SYNE2: variants seen among roughly 807,000 people sequenced by gnomAD.
The protein encoded by SYNE2 is spectrin repeat containing nuclear envelope protein 2.
SYNE2 carries 431 observed loss-of-function variants against 856.3 expected under a neutral mutation model. That is an observed-to-expected ratio of 0.50 (90% CI 0.47 to 0.55). SYNE2 has a LOEUF of 0.55. Ranked by LOEUF, SYNE2 falls within the 20% of genes least tolerant of loss-of-function variation. The probability of loss-of-function intolerance (pLI) is 0.00; values close to 1 mark genes in which losing one functional copy is unlikely to be tolerated. For synonymous variants in SYNE2, 2,923 were observed against 2,872.3 expected, an observed-to-expected ratio of 1.02 and a Z score of -0.56; for missense variants, 8,129 against 8,023.2, an observed-to-expected ratio of 1.01 and a Z score of -0.50.
intron 96 of SYNE2, among the ~76,000 whole-genome samples, chr14:64,186,223 T>A (rs2098489605): frequency 6.6e-6 from 1 of 152,202 alleles, no homozygotes; most frequent in Admixed American, 6.5e-5. Flanking sequence ...GAACAGAGTT[T>A]TCCTTTGATA....
chr14:64,091,656 G>T (rs2097616181), intron 60 of SYNE2, among the ~76,000 whole-genome samples: 1 of 152,138 alleles, frequency 6.6e-6, no homozygotes, highest in Non-Finnish European at 1.5e-5. Flanking sequence ...TGTGGTGGCG[G>T]TGGTGGTGGT....
intron 38 of SYNE2, chr14:64,024,001 T>G: frequency 2.3e-6 from 1 of 432,206 alleles, no homozygotes; most frequent in South Asian, 2.1e-5. Context: ...GATAGGAAAA[T>G]GTAGCTGTCC....
chr14:64,126,407 C>T lies in SYNE2; in HGVS notation c.13635C>T (p.Ser4545=), dbSNP rs922483319. The T allele has an allele frequency of 4.3e-6, 7 of 1,614,004 alleles. No homozygotes were observed. Among genetic ancestry groups the T allele is most frequent in the Admixed American group, 1.7e-5 (1 of 59,996 alleles). ...TCCTGACCCTCAGTCAGTGCCTCAG[C>T]AGTGTGGAGGAGATGCTGGAGATGC... is the stretch of plus-strand genomic sequence containing the variant. ...ELFLTLSQCL[S]SVEEMLEMPR... Residue 4545 remains serine (S), a synonymous_variant, in exon 72 of 116, where the codon AGC becomes AGT. Transcript: ENST00000555002.
At position 64,209,432 on chromosome 14, in the gene SYNE2, G is replaced by T; in HGVS notation, c.18394G>T (p.Glu6132Ter). 6.2e-7 allele frequency: 1 copy of T among 1,614,228 alleles called. No homozygotes were observed. Among genetic ancestry groups the T allele is most frequent in the Non-Finnish European group, 8.5e-7 (1 of 1,180,044 alleles). The change falls in exon 102 of 116, where the codon GAG (glutamate) becomes TAG (stop). Residue 6132 changes from glutamate to a stop codon, truncating the protein, a stop_gained. Coordinates refer to ENST00000555002, the MANE Select transcript of SYNE2 (RefSeq NM_182914.3). LOFTEE classifies it high-confidence loss of function. ...AMSMERRMKI[E>*]ETWRLWQKFL... is the part of the protein sequence containing the mutation. ...AAGTTGCTTTGCTCCCATCAGAATCGAGGAGACGTGGCGCCTGTGGCAGAA... is the reference window on the plus strand; with the variant it reads ...AAGTTGCTTTGCTCCCATCAGAATCTAGGAGACGTGGCGCCTGTGGCAGAA...
At chr14:63,973,958 C>G (rs995965043) in intron 11 of SYNE2, among the ~76,000 whole-genome samples, 3 of 151,968 alleles carry the variant, frequency 2.0e-5, no homozygotes, top group African/African-American at 4.8e-5. Flanking sequence ...TAGAACTCAA[C>G]TGGGCTCATG....
At chr14:63,793,289 T>C (rs1887799130) in intron 1 of SYNE2, among the ~76,000 whole-genome samples, 1 of 152,188 alleles carries the variant, frequency 6.6e-6, no homozygotes, top group Admixed American at 6.5e-5. Context: ...TCCCACCTTC[T>C]GAACAGACTT....
chr14:63,818,111 C>T (rs1457923330), intron 1 of SYNE2, among the ~76,000 whole-genome samples: 4 of 151,050 alleles, frequency 2.6e-5, no homozygotes, highest in South Asian at 2.1e-4. Context: ...TTTGGGAGGC[C>T]GAGGTGGGCA....
intron 2 of SYNE2, among the ~76,000 whole-genome samples, chr14:63,938,545 A>T (rs192222486): frequency 5.4e-4 from 82 of 152,330 alleles, no homozygotes; most frequent in African/African-American, 1.6e-3. Flanking sequence ...GATAGCAAGG[A>T]TAGTCTAATG....
chr14:63,900,625 A>C (rs1176293596), intron 1 of SYNE2, among the ~76,000 whole-genome samples: 1 of 152,182 alleles, frequency 6.6e-6, no homozygotes, highest in African/African-American at 2.4e-5. Flanking sequence ...ACACAGCCAG[A>C]CCATATCATA....
intron 19 of SYNE2, among the ~76,000 whole-genome samples, chr14:63,988,692 C>G (rs1461700544): frequency 6.6e-6 from 1 of 152,196 alleles, no homozygotes; most frequent in Non-Finnish European, 1.5e-5. Context: ...AATGGACTTA[C>G]AGTTCCACGT....
In SYNE2 at chr14:64,122,498, A is replaced by G. The variant is rs1248791832; in HGVS notation, c.13422+71A>G. ...AATCCAACAAGCATTCATTAAATAAACATGTATATTCTCCAGAAAGCAAAG... is the reference window on the plus strand; with the variant it reads ...AATCCAACAAGCATTCATTAAATAAGCATGTATATTCTCCAGAAAGCAAAG... On this transcript the variant is annotated intron_variant, in intron 70 of 115. Coordinates refer to ENST00000555002, the MANE Select transcript of SYNE2 (RefSeq NM_182914.3). 4 of 1,600,826 alleles carry G rather than the reference A, an allele frequency of 2.5e-6. No homozygotes were observed. The Admixed American group carries it at 6.7e-5, about 27-fold the overall frequency.
At chr14:64,107,459 C>A (rs370004280) in intron 64 of SYNE2, 32 bp from the exon 65 acceptor site, 2 of 1,581,932 alleles carry the variant, frequency 1.3e-6, no homozygotes, top group East Asian at 2.2e-5. Flanking sequence ...AGGGCAGGAC[C>A]CTTTCTGGAG....
chr14:64,162,250 C>G lies in SYNE2; in HGVS notation c.16273C>G (p.Leu5425Val). The G allele has an allele frequency of 6.2e-7, 1 of 1,614,202 alleles. No individual in the cohort carries two copies. Among genetic ancestry groups the G allele is most frequent in the Non-Finnish European group, 8.5e-7 (1 of 1,180,014 alleles). The change falls in exon 88 of 116, where the codon CTG becomes GTG. Residue 5425 changes from leucine to valine, a missense_variant. Leu to Val is a conservative substitution (Grantham distance 32). Around this residue, in one of 3 missense-constraint regions of SYNE2, gnomAD observed 5,410 missense variants for 5,284.8 expected, o/e 1.02. Transcript: ENST00000555002. ...GTCTGGAAACAACCTGGCAGAGATC[C>G]TGCCCCCAGCCCTGCAGGACATAAA... ...SMSGNNLAEI[L>V]PPALQDIKEL...
At chr14:64,140,372 C>G (rs557397712) in intron 80 of SYNE2, among the ~76,000 whole-genome samples, 46 of 152,304 alleles carry the variant, frequency 3.0e-4, no homozygotes, top group Admixed American at 1.8e-3. Flanking sequence ...CAGCTGAGAT[C>G]GGGATTTCGA....
chr14:63,911,148 C>G (rs2095468573), intron 2 of SYNE2, among the ~76,000 whole-genome samples: 1 of 152,080 alleles, frequency 6.6e-6, no homozygotes, highest in African/African-American at 2.4e-5. Context: ...CCTTAAGGGG[C>G]CATATTCTCC....
At chr14:63,991,256 C>T (rs985397288) in intron 21 of SYNE2, 141 bp downstream of exon 21, 1 of 889,728 alleles carries the variant, frequency 1.1e-6, no homozygotes, top group South Asian at 1.7e-5. Context: ...TATATTGTTC[C>T]CCTGAGGTTA....
chr14:64,106,564 G>A (rs555409178), intron 64 of SYNE2, among the ~76,000 whole-genome samples: 1 of 152,160 alleles, frequency 6.6e-6, no homozygotes, highest in Non-Finnish European at 1.5e-5. Flanking sequence ...CAGGAGAAGG[G>A]CGTGAACCCA....
chr14:63,874,247 A>C (rs1210238404), intron 1 of SYNE2, among the ~76,000 whole-genome samples: 1 of 152,220 alleles, frequency 6.6e-6, no homozygotes, highest in African/African-American at 2.4e-5. Flanking sequence ...TTGCACAAAA[A>C]GACGTAAACA....
chr14:63,989,409 C>G (rs780677364), intron 19 of SYNE2, among the ~76,000 whole-genome samples: 5 of 152,132 alleles, frequency 3.3e-5, no homozygotes, highest in Non-Finnish European at 7.3e-5. Flanking sequence ...GCAGTCTTGG[C>G]TCACTACAAT....
Sources: allele counts gnomAD v4.1 joint callset (sites outside exome capture counted in the v4.1 genomes callset), GRCh38; gene constraint gnomAD v4.1.1; regional missense constraint gnomAD v4.1.1; transcripts MANE v1.5; gene names NCBI Gene and HGNC (gene_info 2026-07-23, HGNC 2026-07-21).